GALM: variants seen among roughly 807,000 people sequenced by gnomAD.
GALM encodes galactose mutarotase.
A neutral mutation model predicts 37.4 loss-of-function variants in GALM; 43 were observed. That is an observed-to-expected ratio of 1.15 (90% confidence interval 0.90 to 1.48). The LOEUF (loss-of-function observed/expected upper bound fraction) is 1.48. GALM is among the 40% of genes most tolerant of loss of function. The probability of loss-of-function intolerance (pLI) is 0.00; values close to 1 mark genes in which losing one functional copy is unlikely to be tolerated. For synonymous variants in GALM, 199 were observed against 170.6 expected, an observed-to-expected ratio of 1.17 and a Z score of -1.30; for missense variants, 456 against 419.1, an observed-to-expected ratio of 1.09 and a Z score of -0.77.
intron 1 of GALM, among the ~76,000 whole-genome samples, chr2:38,670,281 G>C (rs115119618): frequency 0.019 from 2,834 of 152,250 alleles, 91 homozygotes; most frequent in African/African-American, 0.063. Context: ...TACAATCATT[G>C]AAACGCCTTC....
chr2:38,716,291 G>A (rs921496072), intron 4 of GALM, among the ~76,000 whole-genome samples: 2 of 152,206 alleles, frequency 1.3e-5, no homozygotes, highest in African/African-American at 4.8e-5. Context: ...TCAAGAGTAT[G>A]GAGGAATCAT....
rs146126828 is a variant in GALM, at chr2:38,681,429, C to T, written c.495C>T (p.Ala165=). ...TCATAGTCAACTACAGAGCACAAGC[C>T]AGTCAGGCCACACCAGTCAACCTGA... The part of the protein sequence containing the change: ...GELIVNYRAQ[A]SQATPVNLTN... The change falls in exon 3 of 7, where the codon GCC becomes GCT. Residue 165 remains alanine, a synonymous_variant. Coordinates refer to ENST00000272252, the MANE Select transcript of GALM (RefSeq NM_138801.3). 6.2e-7 allele frequency: 1 copy of T among 1,614,200 alleles called. No homozygotes were observed. The highest frequency in any genetic ancestry group is 1.1e-5 in the South Asian group (1 of 91,086).
At chr2:38,680,133 C>T (rs1665360128) in intron 2 of GALM, 1 of 443,558 alleles carries the variant, frequency 2.3e-6, no homozygotes, top group South Asian at 1.6e-5. Context: ...ATCCTCCCTT[C>T]TCAGCCTCCC....
At chr2:38,722,756 C>T (rs1666408792) in intron 4 of GALM, among the ~76,000 whole-genome samples, 1 of 152,230 alleles carries the variant, frequency 6.6e-6, no homozygotes, top group African/African-American at 2.4e-5. Flanking sequence ...AGAAAAACTG[C>T]ATGTTCATTT....
intron 3 of GALM, among the ~76,000 whole-genome samples, chr2:38,683,819 A>G (rs148007709): frequency 0.023 from 3,464 of 152,228 alleles, 113 homozygotes; most frequent in African/African-American, 0.077. Context: ...CACCCGCTTC[A>G]GCCTCCCAAA....
In GALM at chr2:38,688,181, C is replaced by A. The variant is rs577550418; in HGVS notation, c.553-1632C>A. 1.6e-3 allele frequency among the ~76,000 whole-genome samples: 234 copies of A among 150,324 alleles called. 1 individual carries two copies. Among genetic ancestry groups the A allele is most frequent in the African/African-American group, 5.3e-3 (218 of 40,812 alleles). ...GAGCCAAGATTACACTACTTCACTCCGGCCTGGGCGACAGAGTGAGACTCC... is the reference window on the plus strand; with the variant it reads ...GAGCCAAGATTACACTACTTCACTCAGGCCTGGGCGACAGAGTGAGACTCC... On this transcript the variant is annotated intron_variant, in intron 3 of 6. Transcript: ENST00000272252.
In GALM at chr2:38,685,714, AT is replaced by A. The variant is rs529554148; in HGVS notation, c.553-4093del. On this transcript the variant is annotated intron_variant, in intron 3 of 6. Coordinates refer to ENST00000272252, the MANE Select transcript of GALM (RefSeq NM_138801.3). ...AAAAGAAGCATGCATTTTTATTTTT[AT>A]TTTTTATTTTTTATTTTTTTGAGAC... Among the ~76,000 whole-genome samples, 114 of 115,074 alleles carry A rather than the reference AT, an allele frequency of 9.9e-4. 2 individuals carry two copies. The East Asian group carries it at 0.032, about 32-fold the overall frequency. The allele number at this position is 115,074 out of a possible 152,430, so 75.5% of individuals were successfully genotyped here.
intron 4 of GALM, among the ~76,000 whole-genome samples, chr2:38,728,739 C>G (rs532175965): frequency 1.9e-4 from 28 of 147,864 alleles, no homozygotes; most frequent in African/African-American, 6.7e-4. Flanking sequence ...ATTGTTTAAG[C>G]CTCTGAAACA....
intron 4 of GALM, among the ~76,000 whole-genome samples, chr2:38,716,382 A>G (rs181302730): frequency 6.6e-6 from 1 of 152,366 alleles, no homozygotes; most frequent in East Asian, 1.9e-4. Context: ...TTGCTTGAGC[A>G]AACACTTGAG....
At chr2:38,709,539 T>G (rs1666108262) in intron 4 of GALM, among the ~76,000 whole-genome samples, 1 of 140,244 alleles carries the variant, frequency 7.1e-6, no homozygotes. Context: ...AATCAGAAAA[T>G]GCTCGGTGGA....
intron 4 of GALM, among the ~76,000 whole-genome samples, chr2:38,693,109 A>G (rs992491481): frequency 6.6e-5 from 10 of 152,176 alleles, no homozygotes; most frequent in African/African-American, 2.4e-4. Flanking sequence ...GGTGTGCCTG[A>G]GTCCAGTCTC....
At chr2:38,705,860 C>T (rs1041696854) in intron 4 of GALM, among the ~76,000 whole-genome samples, 10 of 151,916 alleles carry the variant, frequency 6.6e-5, no homozygotes, top group South Asian at 2.1e-4. Flanking sequence ...TTATTTTTGA[C>T]GGAGTCTTGT....
At chr2:38,672,566 T>C (rs1665136679) in intron 1 of GALM, among the ~76,000 whole-genome samples, 1 of 152,114 alleles carries the variant, frequency 6.6e-6, no homozygotes. Context: ...GAACATGGAC[T>C]CATGAGCTAG....
chr2:38,676,500 C>G (rs192930970), intron 2 of GALM, among the ~76,000 whole-genome samples: 8 of 152,332 alleles, frequency 5.3e-5, no homozygotes, highest in Admixed American at 1.3e-4. Context: ...CAGTGGCTCA[C>G]GCCTGTAATC....
intron 4 of GALM, among the ~76,000 whole-genome samples, chr2:38,702,843 C>T (rs1399435053): frequency 6.7e-6 from 1 of 148,954 alleles, no homozygotes. Context: ...TTATTTTGCC[C>T]CCAGCCAGTC....
chr2:38,733,400 G>A, intron 6 of GALM, 88 bp from the exon 7 acceptor site: 1 of 1,055,070 alleles, frequency 9.5e-7, no homozygotes, highest in South Asian at 1.3e-5. Context: ...CAGAGCACTG[G>A]TCTAGAAGCC....
intron 2 of GALM, 128 bp from the exon 3 acceptor site, chr2:38,681,152 A>T: frequency 1.3e-6 from 1 of 789,788 alleles, no homozygotes; most frequent in Non-Finnish European, 2.1e-6. Flanking sequence ...AATCCAGGCT[A>T]TCATTAAAAA....
At chr2:38,671,123 T>A (rs189184051) in intron 1 of GALM, among the ~76,000 whole-genome samples, 56 of 152,338 alleles carry the variant, frequency 3.7e-4, no homozygotes, top group African/African-American at 1.2e-3. Flanking sequence ...AGCAATTGAC[T>A]TGGTTAAATC....
At chr2:38,706,528 A>G (rs1666039177) in intron 4 of GALM, among the ~76,000 whole-genome samples, 1 of 149,648 alleles carries the variant, frequency 6.7e-6, no homozygotes, top group Non-Finnish European at 1.5e-5. Flanking sequence ...AAAAAAAAAA[A>G]AATTAGCCAG....
Sources: gnomAD v4.1 joint callset for allele counts (sites outside exome capture counted in the v4.1 genomes callset) on GRCh38, gnomAD v4.1.1 for gene constraint, MANE v1.5 for transcripts, NCBI Gene and HGNC (gene_info 2026-07-23, HGNC 2026-07-21) for gene names.